The following CXorf65 variants were observed in gnomAD, a reference collection of about 807,000 sequenced individuals.
CXorf65 encodes the protein chromosome X open reading frame 65.
For synonymous variants in CXorf65, 54 were observed against 51.4 expected, an observed-to-expected ratio of 1.05 and a Z score of -0.21; for missense variants, 137 against 144.7, an observed-to-expected ratio of 0.95 and a Z score of 0.27.
chrX:71,106,439 A>G lies in CXorf65; in HGVS notation c.26-13T>C. On this transcript the variant is annotated splice_polypyrimidine_tract_variant and intron_variant, in intron 1 of 5. Transcript: ENST00000374251. ...AACTGCTGATTATCTGAGAAGAGAT[A>G]GGATGGGACACATGGGCCCATTTCT... 2.5e-6 allele frequency: 3 copies of G among 1,198,457 alleles called. No homozygotes were observed. Among genetic ancestry groups the G allele is most frequent in the Non-Finnish European group, 3.4e-6 (3 of 883,292 alleles).
chrX:71,104,173 G>A, intron 5 of CXorf65, 61 bp from the exon 6 acceptor site: 1 of 1,166,668 alleles, frequency 8.6e-7, no homozygotes, highest in South Asian at 1.8e-5. Flanking sequence ...ACAACCCAGG[G>A]CCAAAGGAAG....
rs757561171 is a variant in CXorf65 at position 71,106,122 on chromosome X, C to A, written c.128G>T (p.Cys43Phe). ...KLPKTNTIDL[C>F]EQTGKMKMLF... ...CATCTTCATTTTCCCCGTTTGTTCACACAAATCGATGGTGTCTGGAGGGAG... is the reference window on the plus strand; with the variant it reads ...CATCTTCATTTTCCCCGTTTGTTCAAACAAATCGATGGTGTCTGGAGGGAG... The change falls in exon 3 of 6, where the codon TGT becomes TTT. Residue 43 changes from cysteine to phenylalanine, a missense_variant. Coordinates refer to ENST00000374251, the MANE Select transcript of CXorf65 (RefSeq NM_001025265.3). 1.7e-6 allele frequency: 2 copies of A among 1,211,036 alleles called. No individual in the cohort carries two copies. Among genetic ancestry groups the A allele is most frequent in the Non-Finnish European group, 2.2e-6 (2 of 895,163 alleles).
chrX:71,104,602 T>C (rs1427861327), intron 4 of CXorf65, among the ~76,000 whole-genome samples, 167 bp downstream of exon 4: 1 of 110,668 alleles, frequency 9.0e-6, no homozygotes, highest in African/African-American at 3.3e-5. Context: ...ACATTCCACC[T>C]GGTGTGAGCT....
rs1228902927 is a variant in CXorf65, at chrX:71,106,078, T to C, written c.172A>G (p.Asn58Asp). 1 of 1,210,916 alleles carries C rather than the reference T, an allele frequency of 8.3e-7. No homozygotes were observed. The highest frequency in any genetic ancestry group is 2.2e-5 in the Admixed American group (1 of 46,011). ...KMKMLFLMKP[N>D]HAEYASKYLT... ...TATTTGCTGGCATACTCTGCATGAT[T>C]GGGCTTCATCAGGAAAAGCATCTTC... The change falls in exon 3 of 6, where the codon AAT (asparagine) becomes GAT (aspartate). Residue 58 changes from asparagine to aspartate, a missense_variant. By Grantham distance (23) the Asn-to-Asp change is conservative. Transcript: ENST00000374251.
At position 71,104,002 on chromosome X, in the gene CXorf65, G is replaced by A; in HGVS notation, c.537C>T (p.Thr179=). The change falls in exon 6 of 6, where the codon ACC becomes ACT. Residue 179 remains threonine (T), a synonymous_variant. Coordinates refer to ENST00000374251, the MANE Select transcript of CXorf65 (RefSeq NM_001025265.3). ...KNKGRQLNKT[T]KQKK is the part of the protein sequence containing the mutation. ...ACACCTAGTATTACTTCTTTTGCTT[G>A]GTGGTTTTATTGAGTTGGCGACCTT... 2 of 1,209,244 alleles carry A rather than the reference G, an allele frequency of 1.7e-6. No homozygotes were observed. Among genetic ancestry groups the A allele is most frequent in the African/African-American group, 1.7e-5 (1 of 57,514 alleles).
intron 4 of CXorf65, 64 bp downstream of exon 4, chrX:71,104,705 T>C (rs897561858): frequency 9.5e-7 from 1 of 1,051,732 alleles, no homozygotes. Flanking sequence ...CCACCCTACA[T>C]TCTCCATCAC....
In CXorf65 at chrX:71,106,738, G is replaced by C. The variant is rs143113362; in HGVS notation, c.-182C>G. On this transcript the variant is annotated 5_prime_UTR_variant, in exon 1 of 6. In the 5' UTR this introduces an upstream ATG that the reference lacks. Coordinates refer to ENST00000374251, the MANE Select transcript of CXorf65 (RefSeq NM_001025265.3). ...CAGGAGAGAGCTGTTGATAGTTGTGGATAACCAGTATCCCCAGGGGTGGGG... is the reference window on the plus strand; with the variant it reads ...CAGGAGAGAGCTGTTGATAGTTGTGCATAACCAGTATCCCCAGGGGTGGGG... 1.2e-4 allele frequency: 127 copies of C among 1,084,475 alleles called. No homozygotes were observed. In the African/African-American group the frequency reaches 2.0e-3, roughly 17 times the overall value. The allele number at this position is 1,084,475 out of a possible 1,213,427, so 89.4% of individuals were successfully genotyped here. A position where few individuals can be genotyped will look rare whatever the true frequency, so the allele number is the denominator to read the frequency against.
intron 4 of CXorf65, 138 bp from the exon 5 acceptor site, chrX:71,104,542 T>C (rs1379856571): frequency 1.9e-6 from 1 of 513,804 alleles, no homozygotes; most frequent in Non-Finnish European, 3.2e-6. Context: ...GACAGGGAGA[T>C]ATACGGAGAA....
rs1035102358 is a variant in CXorf65 at position 71,105,941 on chromosome X, G to A, written c.250+59C>T. On this transcript the variant is annotated intron_variant, in intron 3 of 5. Coordinates refer to ENST00000374251, the MANE Select transcript of CXorf65 (RefSeq NM_001025265.3). ...TTGGATGCCTTGTTTTAAAGATAAG[G>A]TTCATAATCTATCTTGAAGGCCTTA... 30 of 1,137,915 alleles carry A rather than the reference G, an allele frequency of 2.6e-5. No individual in the cohort carries two copies. The East Asian group carries it at 7.5e-4, about 29-fold the overall frequency. 93.8% of individuals were successfully genotyped at this position (1,137,915 alleles called of 1,213,427 possible).
Position 71,104,310 on chromosome X carries a change from A to T in CXorf65, c.414T>A (p.Pro138=). The change falls in exon 5 of 6, where the codon CCT becomes CCA. Residue 138 remains proline (P), a synonymous_variant. Transcript: ENST00000374251. ...TGGCAAGTCTTACCGGGACACTCGC[A>T]GGGGGTTCAATTATAACGACCTTCT... ...EAKKVVIIEP[P]ASVPSKQSGR... is the part of the protein sequence containing the mutation. 1.7e-6 allele frequency: 2 copies of T among 1,203,335 alleles called. No individual in the cohort carries two copies. Among genetic ancestry groups the T allele is most frequent in the African/African-American group, 3.5e-5 (2 of 57,475 alleles).
rs978281317 is a variant in CXorf65, at chrX:71,106,728, G to C, written c.-172C>G. The C allele has an allele frequency of 2.0e-5, 22 of 1,095,717 alleles. No homozygotes were observed. The highest frequency in any genetic ancestry group is 3.2e-5 in the East Asian group (1 of 31,056). 90.3% of individuals were successfully genotyped at this position (1,095,717 alleles called of 1,213,427 possible). On this transcript the variant is annotated 5_prime_UTR_variant, in exon 1 of 6. In the 5' UTR this introduces an upstream ATG that the reference lacks. Coordinates refer to ENST00000374251, the MANE Select transcript of CXorf65 (RefSeq NM_001025265.3). ...GCTGGACAGGCAGGAGAGAGCTGTT[G>C]ATAGTTGTGGATAACCAGTATCCCC...
chrX:71,105,138 C>T (rs1232858084), intron 3 of CXorf65, among the ~76,000 whole-genome samples: 5 of 110,409 alleles, frequency 4.5e-5, no homozygotes, highest in African/African-American at 6.6e-5. Context: ...CCAGCTACTC[C>T]GGAGGCTGAG....
chrX:71,104,680 C>A, intron 4 of CXorf65, 89 bp downstream of exon 4: 1 of 919,569 alleles, frequency 1.1e-6, no homozygotes, highest in South Asian at 2.1e-5. Flanking sequence ...TCTGACCTAC[C>A]ATATCACGCT....
intron 3 of CXorf65, 50 bp downstream of exon 3, chrX:71,105,950 C>A (rs1217011229): frequency 8.6e-7 from 1 of 1,159,879 alleles, no homozygotes; most frequent in Non-Finnish European, 1.2e-6. Context: ...GGTTCATAAT[C>A]TATCTTGAAG....
At chrX:71,104,913 C>A in intron 3 of CXorf65, 76 bp from the exon 4 acceptor site, 2 of 980,904 alleles carry the variant, frequency 2.0e-6, no homozygotes, top group Non-Finnish European at 2.9e-6. Context: ...GATTCCAGGA[C>A]CTAACACTAA....
Position 71,106,724 on chromosome X carries a change from T to A in CXorf65, c.-168A>T. 1 of 1,112,681 alleles carries A rather than the reference T, an allele frequency of 9.0e-7. No individual in the cohort carries two copies. 91.7% of individuals were successfully genotyped at this position (1,112,681 alleles called of 1,213,427 possible). On this transcript the variant is annotated 5_prime_UTR_variant, in exon 1 of 6. Transcript: ENST00000374251. ...CCAGGCTGGACAGGCAGGAGAGAGC[T>A]GTTGATAGTTGTGGATAACCAGTAT...
At chrX:71,104,888 C>T (rs1290814784) in intron 3 of CXorf65, 51 bp from the exon 4 acceptor site, 1 of 1,100,430 alleles carries the variant, frequency 9.1e-7, no homozygotes, top group South Asian at 1.9e-5. Context: ...CAGTCTCCAC[C>T]CTTCAGAAGT....
intron 4 of CXorf65, 162 bp from the exon 5 acceptor site, chrX:71,104,566 T>C (rs2092241687): frequency 4.1e-6 from 2 of 490,425 alleles, no homozygotes; most frequent in African/African-American, 4.8e-5. Flanking sequence ...GGCCAAGAAA[T>C]GGGGGAAGTG....
chrX:71,104,363 T>G lies in CXorf65; in HGVS notation c.361A>C (p.Ile121Leu). 10 of 1,208,101 alleles carry G rather than the reference T, an allele frequency of 8.3e-6. No homozygotes were observed. The highest frequency in any genetic ancestry group is 1.0e-5 in the Non-Finnish European group (9 of 893,317). The change falls in exon 5 of 6, where the codon ATT (isoleucine) becomes CTT (leucine). Residue 121 changes from isoleucine to leucine, a missense_variant. Ile to Leu is a conservative substitution (Grantham distance 5). Transcript: ENST00000374251. ...IQCDALERRR[I>L]QMLKMKEAKK... ...GCTTCTTTCATTTTAAGCATCTGAATTCGTCTCCTCTCCAGGGCATCACAT... is the reference window on the plus strand; with the variant it reads ...GCTTCTTTCATTTTAAGCATCTGAAGTCGTCTCCTCTCCAGGGCATCACAT...
Sources: allele counts gnomAD v4.1 joint callset (sites outside exome capture counted in the v4.1 genomes callset), GRCh38; gene constraint gnomAD v4.1.1; transcripts MANE v1.5; gene names NCBI Gene and HGNC (gene_info 2026-07-23, HGNC 2026-07-21).